CTDSPL: variants seen among roughly 807,000 people sequenced by gnomAD.
CTDSPL encodes CTD small phosphatase-like protein.
A neutral mutation model predicts 30.5 loss-of-function variants in CTDSPL; 8 were observed. The ratio of observed to expected loss-of-function variants is 0.26; its 90% CI spans 0.15 to 0.47. The LOEUF is 0.47. Ranked by LOEUF, CTDSPL falls within the 20% of genes least tolerant of loss-of-function variation. CTDSPL has a pLI of 0.99. For missense variants in CTDSPL, 248 were observed against 366.1 expected (o/e 0.68, Z 2.63); for synonymous variants, 110 against 137.9 (o/e 0.80, Z 1.42).
Position 37,982,538 on chromosome 3 carries a change from T to G in CTDSPL, c.*1671T>G. 1 of 456,724 alleles carries G rather than the reference T, an allele frequency of 2.2e-6. No individual in the cohort carries two copies. The highest frequency in any genetic ancestry group is 4.4e-6 in the Non-Finnish European group (1 of 226,986). 28.3% of individuals were successfully genotyped at this position (456,724 alleles called of 1,614,324 possible). ...CTGGAAATCGGGGGTCAAAGTAAAA[T>G]ATCTTTGTTTTGCTTTCATTCACAA... On this transcript the variant is annotated 3_prime_UTR_variant, in exon 8 of 8. Coordinates refer to ENST00000273179, the MANE Select transcript of CTDSPL (RefSeq NM_001008392.2).
chr3:37,967,604 T>G (rs532840681), intron 4 of CTDSPL, among the ~76,000 whole-genome samples: 60 of 152,348 alleles, frequency 3.9e-4, no homozygotes, highest in South Asian at 2.1e-4. Flanking sequence ...GCAGGTGATA[T>G]TGGACCAAGA....
chr3:37,892,846 G>A lies in CTDSPL; in HGVS notation c.79+30568G>A, dbSNP rs142060422. On this transcript the variant is annotated intron_variant, in intron 1 of 7. Transcript: ENST00000273179. ...CTTAATAAGTGTGCTTGCTTCTGAG[G>A]CAAGTGTTTTTAATTTATCTTCTGG... Among the ~76,000 whole-genome samples, 824 of 152,302 alleles carry A rather than the reference G, an allele frequency of 5.4e-3. 8 individuals are homozygous for A. The highest frequency in any genetic ancestry group is 0.019 in the African/African-American group (786 of 41,562).
chr3:37,947,823 T>C (rs1043351156), intron 2 of CTDSPL, among the ~76,000 whole-genome samples: 1 of 152,182 alleles, frequency 6.6e-6, no homozygotes, highest in Admixed American at 6.5e-5. Context: ...AGAGAAGAGC[T>C]AGCAATAAAA....
intron 2 of CTDSPL, among the ~76,000 whole-genome samples, chr3:37,951,181 C>G (rs1699103327): frequency 6.6e-6 from 1 of 151,190 alleles, no homozygotes; most frequent in African/African-American, 2.4e-5. Context: ...TCCTGGCTAA[C>G]ACAGTGAAAC....
At chr3:37,893,871 C>T (rs889569251) in intron 1 of CTDSPL, among the ~76,000 whole-genome samples, 7 of 152,046 alleles carry the variant, frequency 4.6e-5, no homozygotes, top group Admixed American at 1.3e-4. Flanking sequence ...GATTTTTCCC[C>T]CCAGCCCACA....
chr3:37,970,793 G>A (rs1481270550), intron 5 of CTDSPL, among the ~76,000 whole-genome samples: 1 of 152,192 alleles, frequency 6.6e-6, no homozygotes, highest in Non-Finnish European at 1.5e-5. Flanking sequence ...CAGGAATAGC[G>A]ATGGTTTCAC....
At chr3:37,963,231 T>C (rs1227036524) in intron 3 of CTDSPL, among the ~76,000 whole-genome samples, 2 of 152,224 alleles carry the variant, frequency 1.3e-5, no homozygotes, top group African/African-American at 2.4e-5. Flanking sequence ...GAAATGCTTA[T>C]GTCTCCACAC....
chr3:37,914,981 C>T (rs1429223136), intron 1 of CTDSPL, among the ~76,000 whole-genome samples: 1 of 149,524 alleles, frequency 6.7e-6, no homozygotes, highest in African/African-American at 2.5e-5. Flanking sequence ...TCCTCCTGCC[C>T]TCCAGCAGTC....
At chr3:37,973,212 G>A (rs1367465782) in intron 6 of CTDSPL, among the ~76,000 whole-genome samples, 1 of 152,230 alleles carries the variant, frequency 6.6e-6, no homozygotes, top group Non-Finnish European at 1.5e-5. Flanking sequence ...TTTCAGATGA[G>A]TGGTACCAAG....
At chr3:37,944,423 T>G (rs1024403187) in intron 1 of CTDSPL, among the ~76,000 whole-genome samples, 1 of 150,296 alleles carries the variant, frequency 6.7e-6, no homozygotes, top group Non-Finnish European at 1.5e-5. Flanking sequence ...CAAAACTCTC[T>G]TACCAGTTTA....
At chr3:37,979,827 T>G (rs964536973) in intron 7 of CTDSPL, among the ~76,000 whole-genome samples, 14 of 152,182 alleles carry the variant, frequency 9.2e-5, no homozygotes, top group African/African-American at 3.4e-4. Flanking sequence ...TACACTTAGA[T>G]TCACTTTTAT....
intron 1 of CTDSPL, among the ~76,000 whole-genome samples, chr3:37,907,613 A>G (rs925474376): frequency 6.6e-6 from 1 of 152,208 alleles, no homozygotes; most frequent in African/African-American, 2.4e-5. Context: ...GTGGGGGTGT[A>G]CCACAGTGTA....
intron 4 of CTDSPL, 79 bp from the exon 5 acceptor site, chr3:37,967,747 G>A (rs1575322002): frequency 1.0e-6 from 1 of 1,003,212 alleles, no homozygotes; most frequent in Non-Finnish European, 1.5e-6. Flanking sequence ...ATTGGTCTAG[G>A]CAGGCTTTTT....
Position 37,942,088 on chromosome 3 carries a change from C to T in CTDSPL, c.80-4969C>T, listed in dbSNP as rs1376374879. The stretch of plus-strand genomic sequence containing the variant: ...CAGCAGAGCTCACTGGGACATGCAA[C>T]CCCTCCCTTTTCCTTCCCCATGTCT... On this transcript the variant is annotated intron_variant, in intron 1 of 7. Transcript: ENST00000273179. Among the ~76,000 whole-genome samples, 19 of 150,232 alleles carry T rather than the reference C, an allele frequency of 1.3e-4. 2 individuals carry two copies. In the Admixed American group the frequency reaches 1.3e-3, roughly 10 times the overall value.
intron 5 of CTDSPL, chr3:37,968,315 C>T (rs772006543): frequency 2.3e-6 from 1 of 439,966 alleles, no homozygotes; most frequent in South Asian, 1.6e-5. Context: ...TCTTATCATT[C>T]CTGCATCGTT....
At chr3:37,937,107 A>G (rs1298712842) in intron 1 of CTDSPL, among the ~76,000 whole-genome samples, 1 of 150,484 alleles carries the variant, frequency 6.6e-6, no homozygotes, top group African/African-American at 2.4e-5. Flanking sequence ...ACCAGGCTCA[A>G]TTCTGAATAC....
intron 1 of CTDSPL, among the ~76,000 whole-genome samples, chr3:37,903,827 C>T (rs920365648): frequency 4.6e-5 from 7 of 152,158 alleles, no homozygotes; most frequent in South Asian, 2.1e-4. Flanking sequence ...ATGGGTCAAG[C>T]GACTACCACT....
At chr3:37,960,531 TATATACAC>T (rs1279310815) in intron 3 of CTDSPL, among the ~76,000 whole-genome samples, 61 of 47,284 alleles carry the variant, frequency 1.3e-3, no homozygotes, top group Middle Eastern at 0.014. Context: ...TATATATATA[TATATACAC>T]ACACACACAC....
intron 1 of CTDSPL, among the ~76,000 whole-genome samples, chr3:37,920,176 A>G (rs1479953832): frequency 1.3e-5 from 2 of 152,144 alleles, no homozygotes; most frequent in Non-Finnish European, 2.9e-5. Flanking sequence ...CAATTGCTAG[A>G]TGAAGGCAGG....
Sources: allele counts gnomAD v4.1 joint callset (sites outside exome capture counted in the v4.1 genomes callset), GRCh38; gene constraint gnomAD v4.1.1; transcripts MANE v1.5; gene names NCBI Gene and HGNC (gene_info 2026-07-23, HGNC 2026-07-21).